Variants in ARHGAP12 observed in about 807,000 individuals in gnomAD.
The protein encoded by ARHGAP12 is rho GTPase-activating protein 12.
ARHGAP12 carries 64 observed loss-of-function variants against 108.6 expected under a neutral mutation model. The observed-to-expected ratio is 0.59, with a 90% CI of 0.48 to 0.73. The LOEUF is 0.73. ARHGAP12 is among the 30% of genes least tolerant of loss of function. The probability of loss-of-function intolerance (pLI) is 0.00; values close to 1 mark genes in which losing one functional copy is unlikely to be tolerated. For missense variants in ARHGAP12, 940 were observed against 1,005.9 expected, an observed-to-expected ratio of 0.93 and a Z score of 0.89; for synonymous variants, 312 against 337.2, an observed-to-expected ratio of 0.93 and a Z score of 0.82.
intron 8 of ARHGAP12, 115 bp from the exon 9 acceptor site, chr10:31,839,434 G>A: frequency 1.7e-6 from 2 of 1,175,518 alleles, no homozygotes; most frequent in Non-Finnish European, 2.4e-6. Context: ...ATTTAATCAT[G>A]TAAGATACCA....
chr10:31,831,784 C>A lies in ARHGAP12; in HGVS notation c.1403G>T (p.Gly468Val), dbSNP rs1835843508. The change falls in exon 10 of 20, where the codon GGA becomes GTA. Residue 468 changes from glycine to valine, a missense_variant. By Grantham distance (109) the Gly-to-Val change is moderately radical. Transcript: ENST00000344936. Reference sequence around the variant, plus strand: ...AGCAATTTTTGTTACATTTAATAATCCATATTTCTCTTGATCCTATGGAAC... The same window carrying A: ...AGCAATTTTTGTTACATTTAATAATACATATTTCTCTTGATCCTATGGAAC... ...ASSPKDQEKY[G>V]LLNVTKIAEN... 1.3e-6 allele frequency: 2 copies of A among 1,579,272 alleles called. No homozygotes were observed. Among genetic ancestry groups the A allele is most frequent in the Non-Finnish European group, 1.7e-6 (2 of 1,151,644 alleles).
At chr10:31,889,619 GTTTTTTTTTTTTT>G (rs869116452) in intron 3 of ARHGAP12, among the ~76,000 whole-genome samples, 19 of 66,446 alleles carry the variant, frequency 2.9e-4, no homozygotes, top group Middle Eastern at 0.015. Flanking sequence ...AATTTTTCTC[GTTTTTTTTTTTTT>G]TTTTTTTTTT....
chr10:31,916,357 C>T (rs1839556452), intron 1 of ARHGAP12, among the ~76,000 whole-genome samples: 2 of 152,138 alleles, frequency 1.3e-5, no homozygotes, highest in South Asian at 4.1e-4. Context: ...GACACACACG[C>T]CTGCTTATAT....
chr10:31,926,388 G>A (rs1451844556), intron 1 of ARHGAP12, among the ~76,000 whole-genome samples: 1 of 151,454 alleles, frequency 6.6e-6, no homozygotes, highest in Non-Finnish European at 1.5e-5. Context: ...CTCAAAAGAG[G>A]TAATCTGAAA....
intron 4 of ARHGAP12, 111 bp from the exon 5 acceptor site, chr10:31,854,317 T>A: frequency 1.1e-6 from 1 of 893,832 alleles, no homozygotes; most frequent in Non-Finnish European, 1.6e-6. Context: ...ATATCTTAAA[T>A]ATATCTGAAT....
At chr10:31,809,328 G>T (rs1564362682) in intron 16 of ARHGAP12, 21 bp from the exon 17 acceptor site, 8 of 1,570,790 alleles carry the variant, frequency 5.1e-6, no homozygotes, top group Admixed American at 1.7e-5. Context: ...ATAATAATTT[G>T]TGTGTGTGTG....
intron 1 of ARHGAP12, among the ~76,000 whole-genome samples, chr10:31,923,348 C>A (rs1432962681): frequency 6.6e-6 from 1 of 152,132 alleles, no homozygotes; most frequent in Non-Finnish European, 1.5e-5. Flanking sequence ...GTGGAACTCA[C>A]ACACAAAGCT....
intron 6 of ARHGAP12, among the ~76,000 whole-genome samples, chr10:31,846,903 T>A: frequency 6.8e-6 from 1 of 147,848 alleles, no homozygotes; most frequent in Non-Finnish European, 1.5e-5. Flanking sequence ...CTGTTCATTT[T>A]TTTTTTTTTT....
chr10:31,844,400 A>G (rs1180413565), intron 6 of ARHGAP12, among the ~76,000 whole-genome samples: 1 of 151,924 alleles, frequency 6.6e-6, no homozygotes, highest in Non-Finnish European at 1.5e-5. Flanking sequence ...AAGTGAGGTC[A>G]AGATCTACAT....
At chr10:31,907,129 G>A (rs941936308) in intron 3 of ARHGAP12, among the ~76,000 whole-genome samples, 17 of 151,838 alleles carry the variant, frequency 1.1e-4, no homozygotes, top group African/African-American at 3.9e-4. Context: ...CACACCTAAG[G>A]GCACCCCTCG....
intron 3 of ARHGAP12, among the ~76,000 whole-genome samples, chr10:31,874,265 A>C (rs1036380212): frequency 1.3e-5 from 2 of 152,228 alleles, no homozygotes; most frequent in Admixed American, 6.5e-5. Context: ...TCTTCTGATA[A>C]CTGAATATTC....
chr10:31,835,177 G>A (rs891433945), intron 9 of ARHGAP12, among the ~76,000 whole-genome samples: 1 of 148,112 alleles, frequency 6.8e-6, no homozygotes, highest in Non-Finnish European at 1.5e-5. Flanking sequence ...CAGCCTGGGC[G>A]ACAGAGCGAG....
intron 3 of ARHGAP12, among the ~76,000 whole-genome samples, chr10:31,894,980 C>G (rs1346207813): frequency 6.6e-6 from 1 of 152,040 alleles, no homozygotes; most frequent in Non-Finnish European, 1.5e-5. Flanking sequence ...ACAAACCTGA[C>G]AAAAACAAGA....
At chr10:31,860,144 A>C (rs1048271951) in intron 4 of ARHGAP12, among the ~76,000 whole-genome samples, 2 of 152,232 alleles carry the variant, frequency 1.3e-5, no homozygotes, top group African/African-American at 4.8e-5. Context: ...CACTAAAAAC[A>C]CAAATTATTA....
Position 31,814,366 on chromosome 10 carries a change from T to C in ARHGAP12, c.1732-5A>G. The C allele has an allele frequency of 6.2e-7, 1 of 1,601,242 alleles. No individual in the cohort carries two copies. The highest frequency in any genetic ancestry group is 8.6e-7 in the Non-Finnish European group (1 of 1,168,484). On this transcript the variant is annotated splice_polypyrimidine_tract_variant and splice_region_variant and intron_variant, in intron 13 of 19. Coordinates refer to ENST00000344936, the MANE Select transcript of ARHGAP12 (RefSeq NM_018287.7). ...TCCTTCATCAGTTTCTACTGCCTAT[T>C]GGTTAGATATTTCCCAAACACATAT...
chr10:31,806,242 A>C lies in ARHGAP12; in HGVS notation c.*1416T>G, dbSNP rs1457943499. The C allele has an allele frequency of 6.6e-6, 1 of 152,302 alleles. No homozygotes were observed. The highest frequency in any genetic ancestry group is 6.5e-5 in the Admixed American group (1 of 15,274). The allele number at this position is 152,302 out of a possible 1,614,324, so 9.4% of individuals were successfully genotyped here. A position where few individuals can be genotyped will look rare whatever the true frequency, so the allele number is the denominator to read the frequency against. ...TTGATTTTTAAAAATGAGGTATAACAGTATGCCAGTAAATGAAAAAACAAA... is the reference window on the plus strand; with the variant it reads ...TTGATTTTTAAAAATGAGGTATAACCGTATGCCAGTAAATGAAAAAACAAA... On this transcript the variant is annotated 3_prime_UTR_variant, in exon 20 of 20. Coordinates refer to ENST00000344936, the MANE Select transcript of ARHGAP12 (RefSeq NM_018287.7).
chr10:31,909,364 T>C (rs892993445), intron 2 of ARHGAP12, among the ~76,000 whole-genome samples: 2 of 152,174 alleles, frequency 1.3e-5, no homozygotes, highest in Non-Finnish European at 2.9e-5. Context: ...GATCACCTCC[T>C]AGAACACGGC....
chr10:31,928,352 G>A (rs1238355749), intron 1 of ARHGAP12, among the ~76,000 whole-genome samples: 1 of 140,008 alleles, frequency 7.1e-6, no homozygotes, highest in Admixed American at 7.0e-5. Context: ...GGGCGGGCGG[G>A]CGCTGCCCTC....
intron 3 of ARHGAP12, among the ~76,000 whole-genome samples, chr10:31,884,878 CCATGT>C (rs1373464487): frequency 6.6e-6 from 1 of 152,102 alleles, no homozygotes; most frequent in Admixed American, 6.5e-5. Context: ...AAAAAACTCA[CCATGT>C]CATTTCTTCA....
Sources: allele counts gnomAD v4.1 joint callset (sites outside exome capture counted in the v4.1 genomes callset), GRCh38; gene constraint gnomAD v4.1.1; transcripts MANE v1.5; gene names NCBI Gene and HGNC (gene_info 2026-07-23, HGNC 2026-07-21).